The following ITPR1 variants were observed in gnomAD, a reference collection of about 807,000 sequenced individuals.
ITPR1 encodes the protein inositol 1,4,5-trisphosphate receptor type 1.
A neutral mutation model predicts 318.4 loss-of-function variants in ITPR1; 96 were observed. The ratio of observed to expected loss-of-function variants is 0.30; its 90% CI spans 0.26 to 0.36. ITPR1 has a LOEUF of 0.36. Among genes scored for constraint, ITPR1 ranks in the 10% least tolerant of loss-of-function variants. ITPR1 has a pLI of 1.00. For missense variants in ITPR1, 2,440 were observed against 3,460.2 expected, an observed-to-expected ratio of 0.71 and a Z score of 7.40; for synonymous variants, 1,312 against 1,289.9, an observed-to-expected ratio of 1.02 and a Z score of -0.37.
chr3:4,712,117 A>G (rs2041417603), intron 39 of ITPR1, among the ~76,000 whole-genome samples: 1 of 152,246 alleles, frequency 6.6e-6, no homozygotes, highest in Admixed American at 6.5e-5. Flanking sequence ...CTAATGTCAG[A>G]GAAGTGGTAA....
intron 5 of ITPR1, among the ~76,000 whole-genome samples, chr3:4,628,165 A>G (rs143162276): frequency 1.3e-3 from 195 of 152,284 alleles, no homozygotes; most frequent in African/African-American, 4.4e-3. Context: ...ACTGCCTGGA[A>G]TGGAATCCTG....
intron 3 of ITPR1, among the ~76,000 whole-genome samples, chr3:4,517,632 T>G (rs1315022116): frequency 2.0e-5 from 3 of 152,208 alleles, no homozygotes; most frequent in African/African-American, 7.2e-5. Flanking sequence ...TCAAATGTCA[T>G]CCAGTGAAAA....
chr3:4,597,215 CA>C (rs2090900169), intron 4 of ITPR1, among the ~76,000 whole-genome samples: 1 of 152,126 alleles, frequency 6.6e-6, no homozygotes. Flanking sequence ...AAAATAGTGG[CA>C]ATTAATACCA....
intron 4 of ITPR1, among the ~76,000 whole-genome samples, chr3:4,561,341 A>G (rs2086655201): frequency 6.6e-6 from 1 of 152,206 alleles, no homozygotes; most frequent in Non-Finnish European, 1.5e-5. Context: ...ATATACGACC[A>G]ATTCCAGTGA....
At chr3:4,558,206 A>T (rs907465205) in intron 4 of ITPR1, among the ~76,000 whole-genome samples, 1 of 152,212 alleles carries the variant, frequency 6.6e-6, no homozygotes, top group Non-Finnish European at 1.5e-5. Context: ...CAGCTACCCA[A>T]TAGAATGCCT....
chr3:4,770,718 G>A (rs1241505007), intron 46 of ITPR1, among the ~76,000 whole-genome samples: 1 of 152,288 alleles, frequency 6.6e-6, no homozygotes, highest in East Asian at 1.9e-4. Flanking sequence ...CCTCTTTGGG[G>A]CGTTAGAACA....
rs147388187 is a variant in ITPR1 at position 4,744,836 on chromosome 3, G to A, written c.5544+9482G>A. The stretch of plus-strand genomic sequence containing the variant: ...TTGGCCACTTACTCAGCTAATAAAT[G>A]GGAATTCAGGGAAACAGGCTGGGGC... On this transcript the variant is annotated intron_variant, in intron 44 of 61. Coordinates refer to ENST00000649015, the MANE Select transcript of ITPR1 (RefSeq NM_001378452.1). 6.1e-3 allele frequency among the ~76,000 whole-genome samples: 923 copies of A among 152,160 alleles called. 12 individuals are homozygous for A. The highest frequency in any genetic ancestry group is 0.022 in the African/African-American group (894 of 41,470).
chr3:4,818,732 A>G (rs768324120), intron 60 of ITPR1, among the ~76,000 whole-genome samples: 5 of 152,102 alleles, frequency 3.3e-5, no homozygotes, highest in South Asian at 2.1e-4. Context: ...TTAAGAAGTG[A>G]TCATATGATG....
At position 4,685,168 on chromosome 3, in the gene ITPR1, G is replaced by T; in HGVS notation, c.3664G>T (p.Ala1222Ser). 1 of 1,607,090 alleles carries T rather than the reference G, an allele frequency of 6.2e-7. No individual in the cohort carries two copies. Among genetic ancestry groups the T allele is most frequent in the Non-Finnish European group, 8.5e-7 (1 of 1,178,574 alleles). The change falls in exon 30 of 62, where the codon GCC becomes TCC. Residue 1222 changes from alanine to serine, a missense_variant. Ala to Ser is a moderately conservative substitution (Grantham distance 99). Coordinates refer to ENST00000649015, the MANE Select transcript of ITPR1 (RefSeq NM_001378452.1). The stretch of plus-strand genomic sequence containing the variant: ...TCTGCTCCGGAACATGGGCGCGCAC[G>T]CCGTGGTGCTGGAGCTGCTGCAGAT... ...QRLLRNMGAHAVVLELLQIPY... is the reference protein window; with the variant it reads ...QRLLRNMGAHSVVLELLQIPY...
chr3:4,657,383 A>G (rs576970167), intron 12 of ITPR1, among the ~76,000 whole-genome samples: 2 of 127,354 alleles, frequency 1.6e-5, no homozygotes, highest in African/African-American at 8.5e-5. Flanking sequence ...GGATGTACCT[A>G]GAGTTTTTTT....
intron 54 of ITPR1, among the ~76,000 whole-genome samples, chr3:4,805,234 ATCTTTTGGC>A (rs2106476880): frequency 6.6e-6 from 1 of 152,320 alleles, no homozygotes; most frequent in African/African-American, 2.4e-5. Flanking sequence ...CCTCCTTGCC[ATCTTTTGGC>A]TCTGTGTCCC....
rs530685236 is a variant in ITPR1, at chr3:4,572,623, C to G, written c.163+51529C>G. ...GATAATACAAAATTTACCATTTTAACCATTTTTAAGTGTAAAGTTCAGGAG... is the reference window on the plus strand; with the variant it reads ...GATAATACAAAATTTACCATTTTAAGCATTTTTAAGTGTAAAGTTCAGGAG... On this transcript the variant is annotated intron_variant, in intron 4 of 61. Coordinates refer to ENST00000649015, the MANE Select transcript of ITPR1 (RefSeq NM_001378452.1). 2.6e-5 allele frequency among the ~76,000 whole-genome samples: 4 copies of G among 152,252 alleles called. No individual in the cohort carries two copies. The East Asian group carries it at 7.7e-4, about 29-fold the overall frequency.
intron 44 of ITPR1, among the ~76,000 whole-genome samples, chr3:4,760,205 T>C (rs866119475): frequency 9.2e-5 from 14 of 152,260 alleles, no homozygotes; most frequent in Admixed American, 2.6e-4. Context: ...AATGATGATA[T>C]CTGCCTTGGC....
intron 12 of ITPR1, among the ~76,000 whole-genome samples, chr3:4,656,734 CTGG>C (rs1339575233): frequency 6.6e-6 from 1 of 152,148 alleles, no homozygotes; most frequent in Non-Finnish European, 1.5e-5. Context: ...TTTTGTTTTC[CTGG>C]TGAAGTCTCC....
chr3:4,609,240 A>G lies in ITPR1; in HGVS notation c.164-18523A>G, dbSNP rs191449264. Among the ~76,000 whole-genome samples, 244 of 145,596 alleles carry G rather than the reference A, an allele frequency of 1.7e-3. 8 individuals carry two copies. The East Asian group carries it at 0.039, about 23-fold the overall frequency. ...GGGGTGGGAAGGTATCATATCTTTCAGGTGGTGTTCTGGGGAAAAGAAAAA... is the reference window on the plus strand; with the variant it reads ...GGGGTGGGAAGGTATCATATCTTTCGGGTGGTGTTCTGGGGAAAAGAAAAA... On this transcript the variant is annotated intron_variant, in intron 4 of 61. Coordinates refer to ENST00000649015, the MANE Select transcript of ITPR1 (RefSeq NM_001378452.1).
chr3:4,665,878 AT>A (rs1319490358), intron 17 of ITPR1, among the ~76,000 whole-genome samples: 1 of 152,178 alleles, frequency 6.6e-6, no homozygotes, highest in African/African-American at 2.4e-5. Context: ...TGAGAACTAT[AT>A]TGCTACATCA....
chr3:4,820,004 A>G lies in ITPR1; in HGVS notation c.8028+1762A>G, dbSNP rs116121572. On this transcript the variant is annotated intron_variant, in intron 60 of 61. Coordinates refer to ENST00000649015, the MANE Select transcript of ITPR1 (RefSeq NM_001378452.1). ...ATCGCACTCCATAATCATGTCGTTG[A>G]TAGGAAACCGGGAGGGTGCTGGTGA... Among the ~76,000 whole-genome samples the G allele has an allele frequency of 8.4e-3, 1,274 of 152,286 alleles. 22 individuals carry two copies. Among genetic ancestry groups the G allele is most frequent in the African/African-American group, 0.028 (1,172 of 41,550 alleles).
At chr3:4,774,471 A>T (rs1173126168) in intron 46 of ITPR1, among the ~76,000 whole-genome samples, 2 of 152,242 alleles carry the variant, frequency 1.3e-5, no homozygotes, top group Non-Finnish European at 2.9e-5. Flanking sequence ...TAACTGAGGA[A>T]AAGAACATAC....
At chr3:4,538,599 A>G (rs138581081) in intron 4 of ITPR1, among the ~76,000 whole-genome samples, 5,002 of 152,334 alleles carry the variant, frequency 0.033, 115 homozygotes, top group Non-Finnish European at 0.042. Flanking sequence ...ATGCACATGT[A>G]TGTTCATTGC....
Sources: gnomAD v4.1 joint callset for allele counts (sites outside exome capture counted in the v4.1 genomes callset) on GRCh38, gnomAD v4.1.1 for gene constraint, MANE v1.5 for transcripts, NCBI Gene and HGNC (gene_info 2026-07-23, HGNC 2026-07-21) for gene names.